Variants in RGS18 observed in about 807,000 individuals in gnomAD.
The protein encoded by RGS18 is regulator of G protein signaling 18.
Under a neutral mutation model 27.6 loss-of-function variants are expected in RGS18, and 22 were observed. The observed-to-expected ratio is 0.80, with a 90% CI of 0.57 to 1.14. The LOEUF is 1.14. RGS18 is among the 50% of genes most tolerant of loss of function. The probability of loss-of-function intolerance (pLI) is 0.00; values close to 1 mark genes in which losing one functional copy is unlikely to be tolerated. For missense variants in RGS18, 299 were observed against 269.6 expected, an observed-to-expected ratio of 1.11 and a Z score of -0.76; for synonymous variants, 89 against 84.6, an observed-to-expected ratio of 1.05 and a Z score of -0.29.
intron 3 of RGS18, among the ~76,000 whole-genome samples, chr1:192,160,873 G>A (rs572953496): frequency 6.6e-6 from 1 of 152,250 alleles, no homozygotes; most frequent in South Asian, 2.1e-4. Context: ...TTTGTTTTGA[G>A]ACGGAGTCTC....
intron 3 of RGS18, 86 bp downstream of exon 3, chr1:192,160,525 C>T (rs1656052153): frequency 1.1e-6 from 1 of 933,784 alleles, no homozygotes; most frequent in Non-Finnish European, 1.7e-6. Context: ...CAATAGGTCA[C>T]AAAATTTTTG....
chr1:192,178,507 A>C (rs1656395994), intron 3 of RGS18, among the ~76,000 whole-genome samples: 2 of 151,610 alleles, frequency 1.3e-5, no homozygotes, highest in African/African-American at 4.8e-5. Context: ...GAAACTCTGG[A>C]GTTTAGCTGC....
chr1:192,174,726 T>C (rs150925782), intron 3 of RGS18, among the ~76,000 whole-genome samples: 14 of 152,008 alleles, frequency 9.2e-5, no homozygotes, highest in Admixed American at 6.6e-4. Flanking sequence ...AGATTTCTTA[T>C]GCTTAACCTC....
intron 3 of RGS18, among the ~76,000 whole-genome samples, chr1:192,174,443 TTAA>T (rs1205258424): frequency 6.6e-6 from 1 of 151,838 alleles, no homozygotes. Flanking sequence ...TTCAGTCGAA[TTAA>T]TGATGTTTAA....
chr1:192,174,951 T>C (rs1483990649), intron 3 of RGS18, among the ~76,000 whole-genome samples: 2 of 151,840 alleles, frequency 1.3e-5, no homozygotes, highest in Non-Finnish European at 2.9e-5. Context: ...TCTATTTGTT[T>C]CCTCATTTTG....
At chr1:192,177,610 G>A (rs1185906910) in intron 3 of RGS18, among the ~76,000 whole-genome samples, 2 of 151,716 alleles carry the variant, frequency 1.3e-5, no homozygotes, top group Admixed American at 1.3e-4. Context: ...GGCCATATAT[G>A]AAGGACACCC....
At chr1:192,160,110 G>T (rs1443867513) in intron 2 of RGS18, among the ~76,000 whole-genome samples, 2 of 151,454 alleles carry the variant, frequency 1.3e-5, no homozygotes. Context: ...CCTAAAAAAG[G>T]ATTAATTTTT....
rs944060709 is a variant in RGS18 at position 192,159,822 on chromosome 1, C to T, written c.221+501C>T. On this transcript the variant is annotated intron_variant, in intron 2 of 4. Coordinates refer to ENST00000367460, the MANE Select transcript of RGS18 (RefSeq NM_130782.3). ...AAATTAGAGTATAATAAAAAAGATC[C>T]GAGAAAATATATTCAATTCTCCACA... Among the ~76,000 whole-genome samples the T allele has an allele frequency of 4.0e-5, 6 of 151,792 alleles. No homozygotes were observed. In the South Asian group the frequency reaches 6.2e-4, roughly 16 times the overall value.
chr1:192,158,630 G>C lies in RGS18; in HGVS notation c.-8G>C. On this transcript the variant is annotated 5_prime_UTR_variant, in exon 1 of 5. Coordinates refer to ENST00000367460, the MANE Select transcript of RGS18 (RefSeq NM_130782.3). ...ATAAATTAGACATCTCTTCATTTTA[G>C]AGAGAAGATGGAAACAACATTGCTT... 1.3e-6 allele frequency: 2 copies of C among 1,542,352 alleles called. No homozygotes were observed.
intron 4 of RGS18, among the ~76,000 whole-genome samples, chr1:192,183,417 TC>T (rs1440334631): frequency 6.6e-6 from 1 of 151,650 alleles, no homozygotes; most frequent in African/African-American, 2.4e-5. Flanking sequence ...GCTCATTTTT[TC>T]CCATGACTCA....
intron 3 of RGS18, 63 bp from the exon 4 acceptor site, chr1:192,181,229 C>A: frequency 1.1e-6 from 1 of 900,148 alleles, no homozygotes; most frequent in Non-Finnish European, 1.6e-6. Context: ...GTTTTATTAT[C>A]AATCAGTAAA....
At chr1:192,175,129 A>G (rs1286727310) in intron 3 of RGS18, among the ~76,000 whole-genome samples, 2 of 151,778 alleles carry the variant, frequency 1.3e-5, no homozygotes, top group African/African-American at 2.4e-5. Context: ...CTGAATTTCA[A>G]CTTAATTACT....
At chr1:192,181,604 A>G in intron 4 of RGS18, 146 bp downstream of exon 4, 1 of 533,546 alleles carries the variant, frequency 1.9e-6, no homozygotes, top group Non-Finnish European at 3.1e-6. Flanking sequence ...TGTTAATGAC[A>G]TACAGTGTGA....
intron 3 of RGS18, among the ~76,000 whole-genome samples, chr1:192,180,285 A>G (rs1477226718): frequency 6.6e-6 from 1 of 151,580 alleles, no homozygotes; most frequent in Non-Finnish European, 1.5e-5. Flanking sequence ...TGTTCCAAAC[A>G]CTTGGTGTAT....
chr1:192,172,242 A>C (rs1420789764), intron 3 of RGS18, among the ~76,000 whole-genome samples: 1 of 151,986 alleles, frequency 6.6e-6, no homozygotes, highest in Non-Finnish European at 1.5e-5. Flanking sequence ...AAGTTCCCCC[A>C]GGATTGGCTT....
chr1:192,180,827 G>A (rs192427097), intron 3 of RGS18, among the ~76,000 whole-genome samples: 2 of 151,702 alleles, frequency 1.3e-5, no homozygotes, highest in East Asian at 3.9e-4. Context: ...TTTGGTAGAT[G>A]GACTTGGAGA....
At chr1:192,164,362 G>C (rs1363358526) in intron 3 of RGS18, among the ~76,000 whole-genome samples, 2 of 152,082 alleles carry the variant, frequency 1.3e-5, no homozygotes, top group African/African-American at 4.8e-5. Context: ...TGGTGGCTTA[G>C]GGTGACAGAC....
At chr1:192,172,549 A>G (rs1331561160) in intron 3 of RGS18, among the ~76,000 whole-genome samples, 1 of 151,888 alleles carries the variant, frequency 6.6e-6, no homozygotes, top group Non-Finnish European at 1.5e-5. Context: ...ATAGCAACAC[A>G]AAACAGACTA....
chr1:192,158,791 T>C (rs1656017774), intron 1 of RGS18, 35 bp downstream of exon 1: 2 of 1,372,430 alleles, frequency 1.5e-6, no homozygotes, highest in Non-Finnish European at 1.0e-6. Flanking sequence ...GCCTTATACT[T>C]TTAAAAGCAT....
Sources: gnomAD v4.1 joint callset for allele counts (sites outside exome capture counted in the v4.1 genomes callset) on GRCh38, gnomAD v4.1.1 for gene constraint, MANE v1.5 for transcripts, NCBI Gene and HGNC (gene_info 2026-07-23, HGNC 2026-07-21) for gene names.